ZNF804B: variants seen among roughly 807,000 people sequenced by gnomAD.
The protein encoded by ZNF804B is zinc finger protein 804B.
Under a neutral mutation model 101.4 loss-of-function variants are expected in ZNF804B, and 80 were observed. The observed-to-expected ratio is 0.79, with a 90% CI of 0.66 to 0.95. The LOEUF (loss-of-function observed/expected upper bound fraction) is 0.95. Among genes scored for constraint, ZNF804B ranks in the 40% least tolerant of loss-of-function variants. The probability of loss-of-function intolerance (pLI) is 0.00; values close to 1 mark genes in which losing one functional copy is unlikely to be tolerated. For synonymous variants in ZNF804B, 622 were observed against 558.8 expected, an observed-to-expected ratio of 1.11 and a Z score of -1.59; for missense variants, 1,673 against 1,561.9, an observed-to-expected ratio of 1.07 and a Z score of -1.20.
In ZNF804B at chr7:89,335,627, A is replaced by G. The variant is rs1435872040; in HGVS notation, c.2645A>G (p.Asp882Gly). The part of the protein sequence containing the change: ...QESLGSPHIC[D>G]LGKVRPMKCN... ...TCTTTGGGCAGCCCTCACATTTGTG[A>G]TCTGGGAAAAGTCAGGCCCATGAAG... Residue 882 changes from aspartate (D) to glycine (G), a missense_variant, in exon 4 of 4, where the codon GAT (aspartate) becomes GGT (glycine). By Grantham distance (94) the Asp-to-Gly change is moderately conservative. Coordinates refer to ENST00000333190, the MANE Select transcript of ZNF804B (RefSeq NM_181646.5). The G allele has an allele frequency of 4.3e-6, 7 of 1,613,882 alleles. No homozygotes were observed. The highest frequency in any genetic ancestry group is 3.4e-6 in the Non-Finnish European group (4 of 1,179,968).
intron 2 of ZNF804B, among the ~76,000 whole-genome samples, chr7:89,263,744 G>A (rs1789744033): frequency 6.6e-6 from 1 of 152,144 alleles, no homozygotes; most frequent in Non-Finnish European, 1.5e-5. Context: ...TGTAAAGATA[G>A]AGGCAAAGAT....
chr7:89,140,509 A>G (rs1249765225), intron 1 of ZNF804B, among the ~76,000 whole-genome samples: 1 of 152,048 alleles, frequency 6.6e-6, no homozygotes, highest in Non-Finnish European at 1.5e-5. Flanking sequence ...TAGTCTATCA[A>G]TGATCTTAAC....
At chr7:89,025,460 A>G (rs756274549) in intron 1 of ZNF804B, among the ~76,000 whole-genome samples, 4 of 152,138 alleles carry the variant, frequency 2.6e-5, no homozygotes, top group South Asian at 4.1e-4. Flanking sequence ...TGAAATTTCC[A>G]TATGTTTAAT....
chr7:88,994,032 G>A (rs934725821), intron 1 of ZNF804B, among the ~76,000 whole-genome samples: 2 of 151,860 alleles, frequency 1.3e-5, no homozygotes, highest in African/African-American at 4.8e-5. Context: ...ATTTTTCTAT[G>A]TTATTACAAT....
chr7:89,240,989 T>A (rs1789360578), intron 2 of ZNF804B, among the ~76,000 whole-genome samples: 1 of 152,116 alleles, frequency 6.6e-6, no homozygotes, highest in Non-Finnish European at 1.5e-5. Flanking sequence ...TAGCAGATGC[T>A]GGCACTGCCG....
intron 1 of ZNF804B, among the ~76,000 whole-genome samples, chr7:88,993,080 A>T (rs536954100): frequency 1.3e-5 from 2 of 152,152 alleles, no homozygotes; most frequent in Non-Finnish European, 2.9e-5. Flanking sequence ...ATAAAATACT[A>T]GCTTTTAAAT....
At chr7:88,792,503 A>G (rs1313007088) in intron 1 of ZNF804B, among the ~76,000 whole-genome samples, 1 of 152,092 alleles carries the variant, frequency 6.6e-6, no homozygotes, top group African/African-American at 2.4e-5. Context: ...CTCCCAAACC[A>G]CTTTCACATT....
intron 2 of ZNF804B, among the ~76,000 whole-genome samples, chr7:89,232,727 A>G (rs1241493938): frequency 6.6e-6 from 1 of 151,978 alleles, no homozygotes; most frequent in Non-Finnish European, 1.5e-5. Context: ...CCCCTACATT[A>G]TTTGCTTTGG....
At chr7:89,314,254 T>A (rs1790687448) in intron 2 of ZNF804B, among the ~76,000 whole-genome samples, 1 of 152,170 alleles carries the variant, frequency 6.6e-6, no homozygotes, top group Admixed American at 6.6e-5. Flanking sequence ...AAAGACCATT[T>A]CTTACATAAA....
At chr7:88,873,831 C>G (rs1195392739) in intron 1 of ZNF804B, among the ~76,000 whole-genome samples, 2 of 152,108 alleles carry the variant, frequency 1.3e-5, no homozygotes, top group Admixed American at 6.5e-5. Flanking sequence ...TGATCTATAT[C>G]TTTGTTTTGG....
At chr7:89,276,649 C>G (rs552531041) in intron 2 of ZNF804B, among the ~76,000 whole-genome samples, 4 of 151,908 alleles carry the variant, frequency 2.6e-5, no homozygotes, top group Admixed American at 2.6e-4. Context: ...ATAAAAAATT[C>G]AGTAAATGTA....
At position 89,282,199 on chromosome 7, in the gene ZNF804B, TA is replaced by T. The variant is rs142207896; in HGVS notation, c.250-45125del. Among the ~76,000 whole-genome samples the T allele has an allele frequency of 2.0e-3, 216 of 108,966 alleles. 2 individuals are homozygous for T. The East Asian group carries it at 0.021, about 10-fold the overall frequency. The allele number at this position is 108,966 out of a possible 152,430, so 71.5% of individuals were successfully genotyped here. ...CTGGGCGACAGAGCGAGACTCCGTCTAAAAAAAAAAAAAAAAAAAATGTAAC... is the reference window on the plus strand; with the variant it reads ...CTGGGCGACAGAGCGAGACTCCGTCTAAAAAAAAAAAAAAAAAAATGTAAC... On this transcript the variant is annotated intron_variant, in intron 2 of 3. Transcript: ENST00000333190.
intron 1 of ZNF804B, among the ~76,000 whole-genome samples, chr7:89,199,907 G>A (rs965024807): frequency 1.4e-5 from 2 of 147,482 alleles, no homozygotes; most frequent in Non-Finnish European, 3.0e-5. Flanking sequence ...TAATATATAG[G>A]TATATGTGTA....
intron 2 of ZNF804B, among the ~76,000 whole-genome samples, chr7:89,279,425 G>C (rs888675041): frequency 6.6e-6 from 1 of 150,538 alleles, no homozygotes; most frequent in African/African-American, 2.5e-5. Flanking sequence ...TCCCTGTCTT[G>C]TGCCAGTTTT....
chr7:89,147,640 C>T (rs1332918470), intron 1 of ZNF804B, among the ~76,000 whole-genome samples: 3 of 151,914 alleles, frequency 2.0e-5, no homozygotes, highest in East Asian at 1.9e-4. Context: ...GAGCCATGAG[C>T]GAGAAATCTT....
chr7:89,290,663 G>A (rs1406024242), intron 2 of ZNF804B, among the ~76,000 whole-genome samples: 1 of 152,142 alleles, frequency 6.6e-6, no homozygotes, highest in South Asian at 2.1e-4. Flanking sequence ...AGAGGTAAAA[G>A]GGGGAAGGAC....
At chr7:89,158,374 C>T in intron 1 of ZNF804B, among the ~76,000 whole-genome samples, 1 of 152,156 alleles carries the variant, frequency 6.6e-6, no homozygotes, top group Non-Finnish European at 1.5e-5. Context: ...CTCTTCCTCC[C>T]TTAGCCCTCC....
At chr7:89,020,439 G>A (rs1387015588) in intron 1 of ZNF804B, among the ~76,000 whole-genome samples, 1 of 152,046 alleles carries the variant, frequency 6.6e-6, no homozygotes, top group Non-Finnish European at 1.5e-5. Context: ...TTAGTGTAAT[G>A]GGGATTTTCT....
At chr7:89,129,760 G>C (rs1790519894) in intron 1 of ZNF804B, among the ~76,000 whole-genome samples, 1 of 151,970 alleles carries the variant, frequency 6.6e-6, no homozygotes, top group Admixed American at 6.6e-5. Context: ...AGTCTGCTAG[G>C]AAAGCTGGGA....
Sources: allele counts gnomAD v4.1 joint callset (sites outside exome capture counted in the v4.1 genomes callset), GRCh38; gene constraint gnomAD v4.1.1; transcripts MANE v1.5; gene names NCBI Gene and HGNC (gene_info 2026-07-23, HGNC 2026-07-21).